CPB1: variants seen among roughly 807,000 people sequenced by gnomAD.
CPB1 encodes the protein carboxypeptidase B.
A neutral mutation model predicts 51.4 loss-of-function variants in CPB1; 53 were observed. The observed-to-expected ratio is 1.03, with a 90% CI of 0.83 to 1.30. CPB1 has a LOEUF of 1.30. Ranked by LOEUF, CPB1 falls within the 50% of genes most tolerant of loss-of-function variation. The pLI, the probability that CPB1 is intolerant of heterozygous loss-of-function variation, is 0.00. For synonymous variants in CPB1, 189 were observed against 186.9 expected (o/e 1.01, Z -0.09); for missense variants, 494 against 516.2 (o/e 0.96, Z 0.42).
At chr3:148,844,827 GA>G in intron 8 of CPB1, 60 bp downstream of exon 8, 1 of 1,427,326 alleles carries the variant, frequency 7.0e-7, no homozygotes, top group Non-Finnish European at 9.8e-7. Context: ...GGAAAAATAT[GA>G]AAACACAACA....
At chr3:148,834,664 A>G (rs1236435498) in intron 3 of CPB1, 42 bp downstream of exon 3, 2 of 1,572,748 alleles carry the variant, frequency 1.3e-6, no homozygotes, top group East Asian at 2.3e-5. Context: ...TCTCCCATGC[A>G]TGCTTTCATC....
chr3:148,841,745 C>T, intron 5 of CPB1, 78 bp from the exon 6 acceptor site: 1 of 1,110,944 alleles, frequency 9.0e-7, no homozygotes, highest in Non-Finnish European at 1.3e-6. Flanking sequence ...GAGTCTCAAG[C>T]CCAGATGGGT....
At chr3:148,855,801 G>A (rs1713554829) in intron 9 of CPB1, 1 of 152,218 alleles carries the variant, frequency 6.6e-6, no homozygotes, top group Non-Finnish European at 1.5e-5. Context: ...TTTAAGATCA[G>A]AGGTTCTGCC....
chr3:148,859,909 T>C lies in CPB1; in HGVS notation c.1161T>C (p.Phe387=). ...TTCGAGATACAGGCAGATATGGCTT[T>C]CTCCTTCCAGAATCCCAGATCCGGG... ...FELRDTGRYG[F]LLPESQIRAT... The change falls in exon 11 of 11, where the codon TTT becomes TTC. Residue 387 remains phenylalanine, a synonymous_variant. Coordinates refer to ENST00000282957, the MANE Select transcript of CPB1 (RefSeq NM_001871.3). 1 of 1,614,168 alleles carries C rather than the reference T, an allele frequency of 6.2e-7. No individual in the cohort carries two copies. Among genetic ancestry groups the C allele is most frequent in the East Asian group, 2.2e-5 (1 of 44,876 alleles).
At chr3:148,833,659 A>G (rs534321605) in intron 2 of CPB1, among the ~76,000 whole-genome samples, 6 of 152,272 alleles carry the variant, frequency 3.9e-5, no homozygotes, top group African/African-American at 1.4e-4. Flanking sequence ...GAAGAGAATA[A>G]CAGACACCTA....
At chr3:148,853,860 G>A (rs1246709648) in intron 9 of CPB1, among the ~76,000 whole-genome samples, 2 of 152,162 alleles carry the variant, frequency 1.3e-5, no homozygotes, top group Non-Finnish European at 2.9e-5. Context: ...TCTTTTATCT[G>A]TAAAATGGGG....
At chr3:148,833,990 T>C (rs1712818949) in intron 2 of CPB1, among the ~76,000 whole-genome samples, 1 of 152,222 alleles carries the variant, frequency 6.6e-6, no homozygotes, top group Non-Finnish European at 1.5e-5. Flanking sequence ...GCCATTTTTC[T>C]TCCTGATGTA....
At chr3:148,845,666 G>A (rs762448526) in intron 9 of CPB1, 40 bp downstream of exon 9, 11 of 1,475,652 alleles carry the variant, frequency 7.5e-6, no homozygotes, top group Non-Finnish European at 9.4e-6. Flanking sequence ...TTACTATTGA[G>A]ATTTTTTAAA....
At chr3:148,857,633 C>CCACATGCTTTAA in intron 10 of CPB1, 92 bp downstream of exon 10, 1 of 839,390 alleles carries the variant, frequency 1.2e-6, no homozygotes, top group South Asian at 2.0e-5. Flanking sequence ...TAGTTTAAAG[C>CCACATGCTTTAA]ATGTGGCTTT....
intron 5 of CPB1, 94 bp from the exon 6 acceptor site, chr3:148,841,729 C>A (rs1713085601): frequency 1.2e-6 from 1 of 867,676 alleles, no homozygotes; most frequent in African/African-American, 1.7e-5. Context: ...TCGGGTTTCA[C>A]TTGTTGAGTC....
chr3:148,841,928 A>C lies in CPB1; in HGVS notation c.576+4A>C, dbSNP rs556841180. The C allele has an allele frequency of 1.3e-6, 2 of 1,597,434 alleles. No individual in the cohort carries two copies. The highest frequency in any genetic ancestry group is 2.7e-5 in the African/African-American group (2 of 74,596). ...CTGCCAGTGGTTTGTAAGAGAGGTC[A>C]GTGTGTAGAGTGGTTTTTGGCAAAG... On this transcript the variant is annotated splice_donor_region_variant and intron_variant, in intron 6 of 10. Coordinates refer to ENST00000282957, the MANE Select transcript of CPB1 (RefSeq NM_001871.3).
At chr3:148,828,481 T>C (rs1317622750) in intron 2 of CPB1, among the ~76,000 whole-genome samples, 1 of 152,224 alleles carries the variant, frequency 6.6e-6, no homozygotes, top group East Asian at 1.9e-4. Context: ...CCTCTTTGAT[T>C]TTCTTTCATT....
At chr3:148,857,593 CGA>C in intron 10 of CPB1, 52 bp downstream of exon 10, 4 of 1,406,240 alleles carry the variant, frequency 2.8e-6, no homozygotes, top group Non-Finnish European at 4.0e-6. Context: ...AAAAAGCCAA[CGA>C]AAGGTTCCTG....
Position 148,844,668 on chromosome 3 carries a change from C to T in CPB1, c.688-9C>T. 1 of 1,613,776 alleles carries T rather than the reference C, an allele frequency of 6.2e-7. No homozygotes were observed. Among genetic ancestry groups the T allele is most frequent in the Non-Finnish European group, 8.5e-7 (1 of 1,179,738 alleles). The stretch of plus-strand genomic sequence containing the variant: ...TTATATTTGTCCTAACTATGTAGTC[C>T]ACTTTCAGAGCCGATTTTGGAGAAA... On this transcript the variant is annotated splice_polypyrimidine_tract_variant and intron_variant, in intron 7 of 10. Transcript: ENST00000282957.
chr3:148,852,023 T>G (rs969388946), intron 9 of CPB1: 2 of 152,198 alleles, frequency 1.3e-5, no homozygotes, highest in Non-Finnish European at 2.9e-5. Flanking sequence ...AAATTATTGT[T>G]CCTCTGAAAT....
intron 8 of CPB1, 116 bp from the exon 9 acceptor site, chr3:148,845,308 T>A: frequency 1.3e-6 from 1 of 760,000 alleles, no homozygotes; most frequent in Non-Finnish European, 2.2e-6. Context: ...GGGACAACTT[T>A]AAGGACTCCT....
At chr3:148,843,717 C>T (rs1289743402) in intron 6 of CPB1, among the ~76,000 whole-genome samples, 2 of 151,954 alleles carry the variant, frequency 1.3e-5, no homozygotes, top group East Asian at 1.9e-4. Context: ...TTCAAGCAAG[C>T]CTAGGGAAGG....
chr3:148,845,444 C>A lies in CPB1; in HGVS notation c.799C>A (p.Pro267Thr), dbSNP rs1190723821. 6.2e-7 allele frequency: 1 copy of A among 1,613,762 alleles called. No homozygotes were observed. The highest frequency in any genetic ancestry group is 1.1e-5 in the South Asian group (1 of 91,064). ...GWCEIGASRNPCDETYCGPAA... is the reference protein window; with the variant it reads ...GWCEIGASRNTCDETYCGPAA... Reference sequence around the variant, plus strand: ...TCCAGAAATTGGAGCCTCTCGAAACCCCTGTGATGAAACTTACTGTGGACC... The same window carrying A: ...TCCAGAAATTGGAGCCTCTCGAAACACCTGTGATGAAACTTACTGTGGACC... The change falls in exon 9 of 11, where the codon CCC (proline) becomes ACC (threonine). Residue 267 changes from proline (P) to threonine (T), a missense_variant. Transcript: ENST00000282957.
In CPB1 at chr3:148,845,510, T is replaced by C; in HGVS notation, c.865T>C (p.Phe289Leu). ...AAAGGAGACCAAGGCCCTGGCTGATTTCATCCGCAACAAACTCTCTTCCAT... is the reference window on the plus strand; with the variant it reads ...AAAGGAGACCAAGGCCCTGGCTGATCTCATCCGCAACAAACTCTCTTCCAT... ...SEKETKALADFIRNKLSSIKA... is the reference protein window; with the variant it reads ...SEKETKALADLIRNKLSSIKA... Residue 289 changes from phenylalanine (F) to leucine (L), a missense_variant, in exon 9 of 11, where the codon TTC becomes CTC. Physicochemically the swap from Phe to Leu is conservative, Grantham distance 22 (BLOSUM62 0). Coordinates refer to ENST00000282957, the MANE Select transcript of CPB1 (RefSeq NM_001871.3). 1 of 1,613,936 alleles carries C rather than the reference T, an allele frequency of 6.2e-7. No homozygotes were observed. The highest frequency in any genetic ancestry group is 8.5e-7 in the Non-Finnish European group (1 of 1,179,860).
Sources: allele counts gnomAD v4.1 joint callset (sites outside exome capture counted in the v4.1 genomes callset), GRCh38; gene constraint gnomAD v4.1.1; transcripts MANE v1.5; gene names NCBI Gene and HGNC (gene_info 2026-07-23, HGNC 2026-07-21).